The following NFIB variants were observed in gnomAD, a reference collection of about 807,000 sequenced individuals.
NFIB encodes the protein nuclear factor 1 B-type.
NFIB carries 11 observed loss-of-function variants against 61.5 expected under a neutral mutation model. The observed-to-expected ratio is 0.18, with a 90% CI of 0.11 to 0.30. NFIB has a LOEUF of 0.30. NFIB is among the 10% of genes least tolerant of loss of function. The pLI, the probability that NFIB is intolerant of heterozygous loss-of-function variation, is 1.00. For missense variants in NFIB, 471 were observed against 608.9 expected, an observed-to-expected ratio of 0.77 and a Z score of 2.38; for synonymous variants, 260 against 216.5, an observed-to-expected ratio of 1.20 and a Z score of -1.76.
chr9:14,262,388 G>A (rs2056838162), intron 2 of NFIB, among the ~76,000 whole-genome samples: 1 of 152,136 alleles, frequency 6.6e-6, no homozygotes. Flanking sequence ...GCAAGTCAAA[G>A]CACAGCGAAT....
chr9:14,244,296 T>C (rs1200936035), intron 2 of NFIB, among the ~76,000 whole-genome samples: 1 of 152,208 alleles, frequency 6.6e-6, no homozygotes, highest in African/African-American at 2.4e-5. Flanking sequence ...GAGGAAATGA[T>C]AGGTCAGAAT....
intron 3 of NFIB, among the ~76,000 whole-genome samples, chr9:14,163,104 T>C (rs1482241721): frequency 6.6e-6 from 1 of 152,030 alleles, no homozygotes; most frequent in Admixed American, 6.6e-5. Flanking sequence ...TATGAGTAGA[T>C]GCAAAAATTG....
chr9:14,196,222 C>G (rs2048453885), intron 2 of NFIB, among the ~76,000 whole-genome samples: 1 of 152,136 alleles, frequency 6.6e-6, no homozygotes, highest in Admixed American at 6.5e-5. Flanking sequence ...GCCATTACTC[C>G]TCCCATGAGG....
the NFIB span, among the ~76,000 whole-genome samples, chr9:14,491,588 AT>A: frequency 6.6e-6 from 1 of 152,192 alleles, no homozygotes; most frequent in African/African-American, 2.4e-5. Flanking sequence ...CAGCCTGTTA[AT>A]TGCATTGTGG....
At chr9:14,391,834 T>G (rs1315008095) in intron 1 of NFIB, among the ~76,000 whole-genome samples, 1 of 152,048 alleles carries the variant, frequency 6.6e-6, no homozygotes, top group African/African-American at 2.4e-5. Context: ...CTTCCAAGAG[T>G]ACTTTGCTTC....
At chr9:14,437,610 G>A in the NFIB span, among the ~76,000 whole-genome samples, 1 of 152,184 alleles carries the variant, frequency 6.6e-6, no homozygotes, top group Non-Finnish European at 1.5e-5. Context: ...CTCTTCTGAT[G>A]GAGTTGTTCC....
intron 10 of NFIB, among the ~76,000 whole-genome samples, chr9:14,104,447 A>T (rs991522583): frequency 6.6e-6 from 1 of 152,112 alleles, no homozygotes; most frequent in Admixed American, 6.5e-5. Context: ...TTTTTACTGT[A>T]AAAGTTTTAA....
At chr9:14,215,370 TACTAAG>T (rs1254401302) in intron 2 of NFIB, among the ~76,000 whole-genome samples, 8 of 144,012 alleles carry the variant, frequency 5.6e-5, no homozygotes, top group Non-Finnish European at 1.2e-4. Context: ...CATCTGCATA[TACTAAG>T]ACTATGTTAA....
At chr9:14,306,693 G>C (rs1343696549) in intron 2 of NFIB, among the ~76,000 whole-genome samples, 1 of 152,110 alleles carries the variant, frequency 6.6e-6, no homozygotes, top group Non-Finnish European at 1.5e-5. Context: ...AACTATATTT[G>C]TTAGACTACC....
chr9:14,477,177 T>C, the NFIB span, among the ~76,000 whole-genome samples: 1 of 152,172 alleles, frequency 6.6e-6, no homozygotes, highest in Admixed American at 6.5e-5. Context: ...GTGTAGGGGA[T>C]AGCATTCCAT....
intron 2 of NFIB, among the ~76,000 whole-genome samples, chr9:14,256,738 G>C (rs1329912107): frequency 1.3e-5 from 2 of 152,194 alleles, no homozygotes; most frequent in Non-Finnish European, 2.9e-5. Flanking sequence ...CATTGGGTGA[G>C]AAGGGTGAGA....
At chr9:14,409,453 G>A in the NFIB span, among the ~76,000 whole-genome samples, 11 of 152,128 alleles carry the variant, frequency 7.2e-5, no homozygotes, top group African/African-American at 2.7e-4. Flanking sequence ...TCTACAGTAG[G>A]ATATCCAGGA....
chr9:14,283,962 A>T (rs1166350098), intron 2 of NFIB, among the ~76,000 whole-genome samples: 1 of 152,224 alleles, frequency 6.6e-6, no homozygotes, highest in Non-Finnish European at 1.5e-5. Context: ...ATTATTATAA[A>T]ATGTAGCTTA....
intron 1 of NFIB, among the ~76,000 whole-genome samples, chr9:14,369,154 C>T (rs574883422): frequency 2.2e-4 from 34 of 152,234 alleles, no homozygotes; most frequent in Non-Finnish European, 4.1e-4. Flanking sequence ...AGCAGCTAAG[C>T]GAGGTTAAAC....
the NFIB span, among the ~76,000 whole-genome samples, chr9:14,507,092 G>A: frequency 1.3e-5 from 2 of 152,162 alleles, no homozygotes; most frequent in African/African-American, 2.4e-5. Flanking sequence ...TTAGAGCAAT[G>A]CACAGTAGCT....
At chr9:14,296,083 C>T (rs2059426582) in intron 2 of NFIB, among the ~76,000 whole-genome samples, 1 of 152,204 alleles carries the variant, frequency 6.6e-6, no homozygotes, top group Non-Finnish European at 1.5e-5. Context: ...CTTCGATTTC[C>T]TCTTTGGTAT....
chr9:14,408,239 A>G, the NFIB span, among the ~76,000 whole-genome samples: 1 of 152,192 alleles, frequency 6.6e-6, no homozygotes, highest in Non-Finnish European at 1.5e-5. Flanking sequence ...GATCATTAAG[A>G]GTCTAAGTTT....
intron 10 of NFIB, among the ~76,000 whole-genome samples, chr9:14,095,645 G>T (rs1474827355): frequency 6.6e-6 from 1 of 151,880 alleles, no homozygotes; most frequent in African/African-American, 2.4e-5. Context: ...AAATCAAATA[G>T]AAATATAAGT....
At chr9:14,224,470 G>T (rs1303221718) in intron 2 of NFIB, among the ~76,000 whole-genome samples, 1 of 152,152 alleles carries the variant, frequency 6.6e-6, no homozygotes, top group Non-Finnish European at 1.5e-5. Context: ...ACATACACAT[G>T]GGCTCCGCAT....
Sources: gnomAD v4.1 joint callset for allele counts (sites outside exome capture counted in the v4.1 genomes callset) on GRCh38, gnomAD v4.1.1 for gene constraint, MANE v1.5 for transcripts, NCBI Gene and HGNC (gene_info 2026-07-23, HGNC 2026-07-21) for gene names.